Variants in EFHD1 observed in about 807,000 individuals in gnomAD.
EFHD1 encodes EF-hand domain-containing protein D1.
In EFHD1, 10 loss-of-function variants were observed where a neutral mutation model predicts 17.2. The observed-to-expected ratio is 0.58, with a 90% CI of 0.36 to 0.99. The LOEUF is 0.99. Ranked by LOEUF, EFHD1 falls within the 50% of genes least tolerant of loss-of-function variation. The pLI is 0.01. For missense variants in EFHD1, 310 were observed against 327.5 expected, an observed-to-expected ratio of 0.95 and a Z score of 0.41; for synonymous variants, 153 against 142.0, an observed-to-expected ratio of 1.08 and a Z score of -0.55.
intron 2 of EFHD1, among the ~76,000 whole-genome samples, chr2:232,665,622 G>A (rs887656340): frequency 9.2e-5 from 14 of 152,128 alleles, no homozygotes; most frequent in African/African-American, 3.4e-4. Context: ...GGGTTTCACT[G>A]TGTTGCCCAG....
At chr2:232,642,351 G>A (rs1694447337) in intron 1 of EFHD1, among the ~76,000 whole-genome samples, 1 of 143,906 alleles carries the variant, frequency 6.9e-6, no homozygotes, top group South Asian at 2.3e-4. Context: ...TCCAGCCTGG[G>A]CGACAGAGTG....
intron 3 of EFHD1, among the ~76,000 whole-genome samples, chr2:232,678,910 A>G (rs147680970): frequency 1.2e-4 from 19 of 152,348 alleles, no homozygotes; most frequent in African/African-American, 4.3e-4. Flanking sequence ...TGCACTTGTG[A>G]AGATAAAGTC....
chr2:232,635,535 G>C (rs1479400741), intron 1 of EFHD1, among the ~76,000 whole-genome samples: 1 of 152,150 alleles, frequency 6.6e-6, no homozygotes, highest in Non-Finnish European at 1.5e-5. Context: ...CACGCAAAGG[G>C]GAGCCGGGCA....
intron 1 of EFHD1, among the ~76,000 whole-genome samples, chr2:232,658,164 A>G (rs1694796676): frequency 6.6e-6 from 1 of 152,004 alleles, no homozygotes; most frequent in South Asian, 2.1e-4. Context: ...CGGCCTCACA[A>G]AGTGCTGGGA....
chr2:232,667,641 C>T (rs1694992914), intron 2 of EFHD1, among the ~76,000 whole-genome samples: 1 of 152,102 alleles, frequency 6.6e-6, no homozygotes, highest in Non-Finnish European at 1.5e-5. Flanking sequence ...CAACCTCCGC[C>T]TCCCGGGTTC....
Position 232,662,888 on chromosome 2 carries a change from G to C in EFHD1, c.389G>C (p.Gly130Ala). ...EKLGAPQTHL[G>A]LKSMIKEVDE... is the part of the protein sequence containing the mutation. Reference sequence around the variant, plus strand: ...CTGGGGGCCCCCCAGACCCACCTGGGCCTGAAGAGCATGATCAAGGAGGTG... The same window carrying C: ...CTGGGGGCCCCCCAGACCCACCTGGCCCTGAAGAGCATGATCAAGGAGGTG... The change falls in exon 2 of 4, where the codon GGC (glycine) becomes GCC (alanine). Residue 130 changes from glycine (G) to alanine (A), a missense_variant. Coordinates refer to ENST00000264059, the MANE Select transcript of EFHD1 (RefSeq NM_025202.4). 1.3e-6 allele frequency: 2 copies of C among 1,594,892 alleles called. No homozygotes were observed. Among genetic ancestry groups the C allele is most frequent in the Non-Finnish European group, 1.7e-6 (2 of 1,172,644 alleles).
At chr2:232,628,145 C>T (rs2106190112) in intron 1 of EFHD1, among the ~76,000 whole-genome samples, 1 of 152,322 alleles carries the variant, frequency 6.6e-6, no homozygotes, top group African/African-American at 2.4e-5. Flanking sequence ...ACTGCAACCT[C>T]TGCCTCCCAG....
At chr2:232,677,447 C>T (rs1223683891) in intron 3 of EFHD1, among the ~76,000 whole-genome samples, 1 of 151,664 alleles carries the variant, frequency 6.6e-6, no homozygotes, top group Non-Finnish European at 1.5e-5. Flanking sequence ...AGGCCTGGTG[C>T]AGTGGCTCAT....
At chr2:232,661,061 A>T (rs1198338844) in intron 1 of EFHD1, among the ~76,000 whole-genome samples, 1 of 151,800 alleles carries the variant, frequency 6.6e-6, no homozygotes, top group African/African-American at 2.4e-5. Flanking sequence ...GGCACTAGAA[A>T]CGCTTGAACC....
At chr2:232,638,356 AG>A (rs1370983148) in intron 1 of EFHD1, 1 of 471,100 alleles carries the variant, frequency 2.1e-6, no homozygotes, top group South Asian at 1.5e-5. Flanking sequence ...CCCCAAAGAG[AG>A]GGTGGGAAGA....
At chr2:232,669,325 G>A (rs969098662) in intron 2 of EFHD1, among the ~76,000 whole-genome samples, 7 of 152,190 alleles carry the variant, frequency 4.6e-5, no homozygotes, top group African/African-American at 1.7e-4. Context: ...ATGGCTGACC[G>A]TCGGCCTCTC....
intron 2 of EFHD1, among the ~76,000 whole-genome samples, chr2:232,670,246 G>A (rs1454551195): frequency 6.6e-6 from 1 of 152,112 alleles, no homozygotes; most frequent in East Asian, 1.9e-4. Flanking sequence ...TTCAAGACCA[G>A]CTTGGTCAAC....
At chr2:232,667,646 G>C (rs941332862) in intron 2 of EFHD1, among the ~76,000 whole-genome samples, 1 of 151,400 alleles carries the variant, frequency 6.6e-6, no homozygotes, top group Non-Finnish European at 1.5e-5. Flanking sequence ...TCCGCCTCCC[G>C]GGTTCAAACG....
At chr2:232,677,264 AACACACACATAC>A (rs1194975451) in intron 3 of EFHD1, among the ~76,000 whole-genome samples, 16 of 53,006 alleles carry the variant, frequency 3.0e-4, no homozygotes, top group African/African-American at 5.8e-4. Context: ...ATCTTTCTAT[AACACACACATAC>A]ACACACACAC....
intron 3 of EFHD1, among the ~76,000 whole-genome samples, chr2:232,679,897 GA>G (rs1695245634): frequency 1.3e-5 from 2 of 152,106 alleles, no homozygotes; most frequent in African/African-American, 2.4e-5. Context: ...AGGTTGTGGG[GA>G]AATGAGAGCT....
Position 232,681,386 on chromosome 2 carries a change from T to A in EFHD1, c.586-199T>A, listed in dbSNP as rs971871625. 4.6e-5 allele frequency among the ~76,000 whole-genome samples: 7 copies of A among 152,188 alleles called. No individual in the cohort carries two copies. The Middle Eastern group carries it at 0.01, about 222-fold the overall frequency. Reference sequence around the variant, plus strand: ...GCACAGCAACAAATACAGTGATGTGTTAGAGATGGTGTCTGCGCCAACAGA... The same window carrying A: ...GCACAGCAACAAATACAGTGATGTGATAGAGATGGTGTCTGCGCCAACAGA... On this transcript the variant is annotated intron_variant, in intron 3 of 3. Coordinates refer to ENST00000264059, the MANE Select transcript of EFHD1 (RefSeq NM_025202.4).
chr2:232,652,033 C>T (rs1396322603), intron 1 of EFHD1, among the ~76,000 whole-genome samples: 2 of 152,156 alleles, frequency 1.3e-5, no homozygotes, highest in Non-Finnish European at 2.9e-5. Flanking sequence ...TGGGCTGATC[C>T]ACCTTGGTGG....
chr2:232,676,000 AC>A (rs1695164167), intron 3 of EFHD1, among the ~76,000 whole-genome samples: 1 of 151,892 alleles, frequency 6.6e-6, no homozygotes, highest in Non-Finnish European at 1.5e-5. Context: ...ACATGGTGAA[AC>A]CCCATCTCTA....
At chr2:232,618,865 T>A (rs191955021) in intron 1 of EFHD1, among the ~76,000 whole-genome samples, 40 of 152,234 alleles carry the variant, frequency 2.6e-4, no homozygotes, top group African/African-American at 9.1e-4. Context: ...CCGGATTGGC[T>A]AGGCGTGGTG....
Sources: allele counts gnomAD v4.1 joint callset (sites outside exome capture counted in the v4.1 genomes callset), GRCh38; gene constraint gnomAD v4.1.1; transcripts MANE v1.5; gene names NCBI Gene and HGNC (gene_info 2026-07-23, HGNC 2026-07-21).